Variants in TMEM132D observed in about 807,000 individuals in gnomAD.
TMEM132D encodes the protein mature OL transmembrane protein.
Under a neutral mutation model 62.3 loss-of-function variants are expected in TMEM132D, and 21 were observed. The ratio of observed to expected loss-of-function variants is 0.34; its 90% CI spans 0.24 to 0.49. The LOEUF (loss-of-function observed/expected upper bound fraction) is 0.49, where lower values mean the gene tolerates loss of function less well. Among genes scored for constraint, TMEM132D ranks in the 20% least tolerant of loss-of-function variants. The pLI is 0.99. For missense variants in TMEM132D, 1,346 were observed against 1,402.8 expected, an observed-to-expected ratio of 0.96 and a Z score of 0.65; for synonymous variants, 621 against 575.6, an observed-to-expected ratio of 1.08 and a Z score of -1.13.
intron 4 of TMEM132D, among the ~76,000 whole-genome samples, chr12:129,331,490 G>C (rs1336800349): frequency 6.6e-6 from 1 of 152,148 alleles, no homozygotes; most frequent in African/African-American, 2.4e-5. Context: ...AAAACTTAGT[G>C]GTCATAGCTG....
intron 4 of TMEM132D, among the ~76,000 whole-genome samples, chr12:129,231,292 A>C (rs1004311823): frequency 6.6e-6 from 1 of 152,222 alleles, no homozygotes; most frequent in Admixed American, 6.5e-5. Flanking sequence ...ATTAACTTCC[A>C]TTTGTAACAG....
chr12:129,301,984 AC>A (rs1471768643), intron 4 of TMEM132D, among the ~76,000 whole-genome samples: 2 of 151,756 alleles, frequency 1.3e-5, no homozygotes, highest in African/African-American at 2.4e-5. Context: ...AAAAAAAAAA[AC>A]GTATTGTCTA....
At position 129,356,249 on chromosome 12, in the gene TMEM132D, C is replaced by T. The variant is rs1324198217; in HGVS notation, c.1116-18432G>A. ...TCGGCTCACTGCAAGCTCCGCCTCC[C>T]GGGTTCACGCCATTCTCCTGCCTCA... On this transcript the variant is annotated intron_variant, in intron 3 of 8. Transcript: ENST00000422113. Among the ~76,000 whole-genome samples the T allele has an allele frequency of 6.4e-5, 2 of 31,212 alleles. 1 individual carries two copies. Among genetic ancestry groups the T allele is most frequent in the Non-Finnish European group, 1.4e-4 (2 of 14,082 alleles). The allele number at this position is 31,212 out of a possible 152,430, so 20.5% of individuals were successfully genotyped here. A position where few individuals can be genotyped will look rare whatever the true frequency, so the allele number is the denominator to read the frequency against.
chr12:129,468,923 G>A (rs752003037), intron 3 of TMEM132D, among the ~76,000 whole-genome samples: 19 of 152,146 alleles, frequency 1.2e-4, no homozygotes, highest in Non-Finnish European at 1.9e-4. Flanking sequence ...TCTTGACACT[G>A]CTTGTTTTCA....
At chr12:129,270,534 C>T (rs1283894157) in intron 4 of TMEM132D, among the ~76,000 whole-genome samples, 3 of 152,172 alleles carry the variant, frequency 2.0e-5, no homozygotes, top group Non-Finnish European at 1.5e-5. Flanking sequence ...CCGTTTGAAT[C>T]ACGTCTAGAC....
chr12:129,169,113 G>A (rs528902781), intron 5 of TMEM132D, among the ~76,000 whole-genome samples: 69 of 152,266 alleles, frequency 4.5e-4, no homozygotes, highest in African/African-American at 1.6e-3. Context: ...CATCCAAAGA[G>A]CTTGTTAAAA....
intron 4 of TMEM132D, among the ~76,000 whole-genome samples, chr12:129,307,144 T>C (rs188114467): frequency 6.6e-6 from 1 of 152,294 alleles, no homozygotes; most frequent in East Asian, 1.9e-4. Context: ...AAATTTGTTT[T>C]AAACTTAGTG....
Position 129,625,924 on chromosome 12 carries a change from A to C in TMEM132D, c.968+73886T>G, listed in dbSNP as rs369709394. On this transcript the variant is annotated intron_variant, in intron 2 of 8. Coordinates refer to ENST00000422113, the MANE Select transcript of TMEM132D (RefSeq NM_133448.3). ...TACACAATTCAGTCCAACTTTAAAC[A>C]ACGTCACGTGTATGACTCTTCTTCA... Among the ~76,000 whole-genome samples the C allele has an allele frequency of 7.2e-5, 11 of 152,342 alleles. No homozygotes were observed. In the East Asian group the frequency reaches 2.1e-3, roughly 29 times the overall value.
At chr12:129,283,320 T>C (rs940015949) in intron 4 of TMEM132D, among the ~76,000 whole-genome samples, 1 of 152,152 alleles carries the variant, frequency 6.6e-6, no homozygotes, top group Non-Finnish European at 1.5e-5. Flanking sequence ...GCCTCCCCAG[T>C]AGCTGGGATT....
At chr12:129,396,383 C>T (rs12425244) in intron 3 of TMEM132D, among the ~76,000 whole-genome samples, 29,728 of 152,086 alleles carry the variant, frequency 0.2, 3,120 homozygotes, top group South Asian at 0.37. Flanking sequence ...ACTACAGTCA[C>T]GTGGTTAGGG....
chr12:129,564,584 C>T (rs1446846356), intron 2 of TMEM132D, among the ~76,000 whole-genome samples: 2 of 152,294 alleles, frequency 1.3e-5, no homozygotes, highest in East Asian at 3.9e-4. Flanking sequence ...CTCCAGTGAA[C>T]ACGTCCCTCG....
chr12:129,713,254 T>C (rs1180579131), intron 1 of TMEM132D, among the ~76,000 whole-genome samples: 2 of 152,186 alleles, frequency 1.3e-5, no homozygotes, highest in African/African-American at 2.4e-5. Context: ...TGTGCTCAAG[T>C]GTGAGAAACA....
chr12:129,377,976 G>A lies in TMEM132D; in HGVS notation c.1116-40159C>T, dbSNP rs1870832024. ...GATTATCTTAGTATTTTTGACCTGG[G>A]ATCACCATCTTCACAGAAAGTCAAC... On this transcript the variant is annotated intron_variant, in intron 3 of 8. Transcript: ENST00000422113. Among the ~76,000 whole-genome samples, 5 of 152,290 alleles carry A rather than the reference G, an allele frequency of 3.3e-5. No homozygotes were observed. In the South Asian group the frequency reaches 1.0e-3, roughly 32 times the overall value.
At chr12:129,404,197 GTTAT>G (rs10528429) in intron 3 of TMEM132D, among the ~76,000 whole-genome samples, 11 of 151,704 alleles carry the variant, frequency 7.3e-5, no homozygotes, top group African/African-American at 2.4e-4. Context: ...GGGTTATTTA[GTTAT>G]TTATTTATTT....
At chr12:129,891,240 G>T (rs916488336) in intron 1 of TMEM132D, among the ~76,000 whole-genome samples, 9 of 152,142 alleles carry the variant, frequency 5.9e-5, no homozygotes, top group African/African-American at 2.2e-4. Flanking sequence ...GGAAGAAACT[G>T]CTGGATGCAA....
At chr12:129,738,285 A>G (rs1254055173) in intron 1 of TMEM132D, among the ~76,000 whole-genome samples, 1 of 152,110 alleles carries the variant, frequency 6.6e-6, no homozygotes, top group East Asian at 1.9e-4. Context: ...CCTTCCTCCA[A>G]ATACATAGAG....
chr12:129,578,068 G>A (rs1337287780), intron 2 of TMEM132D, among the ~76,000 whole-genome samples: 2 of 152,116 alleles, frequency 1.3e-5, no homozygotes, highest in Non-Finnish European at 2.9e-5. Context: ...CTTGAGCTGG[G>A]ACATCTGTTT....
rs1441214816 is a variant in TMEM132D, at chr12:129,073,553, T to G, written c.*322A>C. 4.4e-5 allele frequency: 11 copies of G among 250,016 alleles called. No individual in the cohort carries two copies. The highest frequency in any genetic ancestry group is 2.6e-4 in the Admixed American group (5 of 19,540). The allele number at this position is 250,016 out of a possible 1,614,324, so 15.5% of individuals were successfully genotyped here. On this transcript the variant is annotated 3_prime_UTR_variant, in exon 9 of 9. Coordinates refer to ENST00000422113, the MANE Select transcript of TMEM132D (RefSeq NM_133448.3). The stretch of plus-strand genomic sequence containing the variant: ...CATGTGGATTTTACAATATCCAAAT[T>G]GCTTTGATTCGAGAGAGAGAGGCTG...
intron 5 of TMEM132D, among the ~76,000 whole-genome samples, chr12:129,103,983 T>C (rs1185476874): frequency 2.0e-5 from 3 of 152,040 alleles, no homozygotes; most frequent in African/African-American, 7.3e-5. Context: ...AATTTACAGA[T>C]TCAATGCCAT....
Sources: allele counts gnomAD v4.1 joint callset (sites outside exome capture counted in the v4.1 genomes callset), GRCh38; gene constraint gnomAD v4.1.1; transcripts MANE v1.5; gene names NCBI Gene and HGNC (gene_info 2026-07-23, HGNC 2026-07-21).